ANO5: variants seen among roughly 807,000 people sequenced by gnomAD.
The protein encoded by ANO5 is anoctamin 5, also known as anoctamin-5.
A neutral mutation model predicts 121.0 loss-of-function variants in ANO5; 109 were observed. The ratio of observed to expected loss-of-function variants is 0.90; its 90% CI spans 0.77 to 1.06. The LOEUF (loss-of-function observed/expected upper bound fraction) is 1.06, where lower values mean the gene tolerates loss of function less well. ANO5 is among the 50% of genes least tolerant of loss of function. The pLI is 0.00. For synonymous variants in ANO5, 406 were observed against 359.9 expected (o/e 1.13, Z -1.45); for missense variants, 1,064 against 1,078.5 (o/e 0.99, Z 0.19).
At chr11:22,229,682 G>A (rs1383421844) in intron 7 of ANO5, among the ~76,000 whole-genome samples, 6 of 151,936 alleles carry the variant, frequency 3.9e-5, no homozygotes, top group African/African-American at 7.2e-5. Context: ...CAGTGAACTC[G>A]TAGGAACAAA....
At chr11:22,263,801 C>G (rs1229309114) in intron 17 of ANO5, among the ~76,000 whole-genome samples, 1 of 152,088 alleles carries the variant, frequency 6.6e-6, no homozygotes, top group Non-Finnish European at 1.5e-5. Flanking sequence ...CACTTGAAGC[C>G]AGAGACTGGG....
chr11:22,192,522 G>A (rs1851681624), upstream of ANO5, among the ~76,000 whole-genome samples: 2 of 152,172 alleles, frequency 1.3e-5, no homozygotes, highest in South Asian at 4.1e-4. Context: ...GCACCTTGGA[G>A]TCTCGGGCCA....
Position 22,239,631 on chromosome 11 carries a change from G to A in ANO5, c.825G>A (p.Gln275=), listed in dbSNP as rs752259814. 2 of 1,612,864 alleles carry A rather than the reference G, an allele frequency of 1.2e-6. No individual in the cohort carries two copies. Among genetic ancestry groups the A allele is most frequent in the Admixed American group, 1.7e-5 (1 of 59,950 alleles). Residue 275 remains glutamine, a synonymous_variant, in exon 9 of 22, where the codon CAG becomes CAA. Transcript: ENST00000324559. ...CCAATGAAAGATACACACTTCACCA[G>A]AATTGGGCTCGATTTTCCTATTTCT... is the stretch of plus-strand genomic sequence containing the variant. ...NPTNERYTLH[Q]NWARFSYFYK...
chr11:22,204,772 G>T (rs919134204), intron 2 of ANO5, among the ~76,000 whole-genome samples: 1 of 152,112 alleles, frequency 6.6e-6, no homozygotes, highest in African/African-American at 2.4e-5. Flanking sequence ...TTCAGGCATT[G>T]TGGAAGATGG....
intron 5 of ANO5, among the ~76,000 whole-genome samples, chr11:22,222,351 T>G (rs1006365964): frequency 6.6e-6 from 1 of 151,982 alleles, no homozygotes; most frequent in Non-Finnish European, 1.5e-5. Context: ...CATACTTAGA[T>G]GATTATTTTG....
At chr11:22,193,673 C>T in intron 1 of ANO5, 141 bp downstream of exon 1, 1 of 1,140,952 alleles carries the variant, frequency 8.8e-7, no homozygotes, top group African/African-American at 1.5e-5. Flanking sequence ...GTGCTCAGCG[C>T]GAAACCGGGA....
Position 22,276,080 on chromosome 11 carries a change from C to A in ANO5, c.2415-14C>A. On this transcript the variant is annotated splice_polypyrimidine_tract_variant and intron_variant, in intron 20 of 21. Transcript: ENST00000324559. ...TTATTATTTTTTTTTTTTGCATTTA[C>A]TTCCACTTTTCAGGTACAGAGATTA... The A allele has an allele frequency of 2.0e-6, 3 of 1,504,148 alleles. No individual in the cohort carries two copies. The highest frequency in any genetic ancestry group is 2.8e-6 in the Non-Finnish European group (3 of 1,087,994). 93.2% of individuals were successfully genotyped at this position (1,504,148 alleles called of 1,614,324 possible).
At chr11:22,263,471 A>G (rs561176609) in intron 17 of ANO5, among the ~76,000 whole-genome samples, 1 of 152,334 alleles carries the variant, frequency 6.6e-6, no homozygotes, top group South Asian at 2.1e-4. Flanking sequence ...TTGTAAAAAT[A>G]TCGATGTGTC....
intron 17 of ANO5, among the ~76,000 whole-genome samples, chr11:22,264,712 T>A (rs1481873771): frequency 6.6e-6 from 1 of 152,044 alleles, no homozygotes; most frequent in East Asian, 1.9e-4. Context: ...GTCATTAAAA[T>A]AGATCAGGAA....
chr11:22,244,249 T>G (rs898600235), intron 9 of ANO5, among the ~76,000 whole-genome samples: 2 of 152,138 alleles, frequency 1.3e-5, no homozygotes, highest in African/African-American at 2.4e-5. Context: ...TCTTCTGGCT[T>G]GTAAGATTTC....
chr11:22,265,483 G>C (rs547737975), intron 17 of ANO5, among the ~76,000 whole-genome samples: 1 of 152,090 alleles, frequency 6.6e-6, no homozygotes, highest in Non-Finnish European at 1.5e-5. Flanking sequence ...ATCACAAAGT[G>C]AAAGTACAGG....
chr11:22,263,033 G>A lies in ANO5; in HGVS notation c.1888G>A (p.Ala630Thr), dbSNP rs751996270. The change falls in exon 17 of 22, where the codon GCC becomes ACC. Residue 630 changes from alanine to threonine, a missense_variant. Coordinates refer to ENST00000324559, the MANE Select transcript of ANO5 (RefSeq NM_213599.3). Reference sequence around the variant, plus strand: ...ACAGATTTTTGGAAACATTAAAGAAGCCATTTATCCGTATGTATGACTTAC... The same window carrying A: ...ACAGATTTTTGGAAACATTAAAGAAACCATTTATCCGTATGTATGACTTAC... ...GKQIFGNIKEAIYPLALNWWR... is the reference protein window; with the variant it reads ...GKQIFGNIKETIYPLALNWWR... 12 of 1,609,510 alleles carry A rather than the reference G, an allele frequency of 7.5e-6. No individual in the cohort carries two copies. Among genetic ancestry groups the A allele is most frequent in the South Asian group, 4.4e-5 (4 of 91,000 alleles).
At chr11:22,195,423 AT>A (rs1157828572) in intron 1 of ANO5, among the ~76,000 whole-genome samples, 67 of 148,906 alleles carry the variant, frequency 4.5e-4, no homozygotes, top group Admixed American at 1.3e-3. Flanking sequence ...TACCCCCCTT[AT>A]TTTTTTTTTT....
At position 22,252,704 on chromosome 11, in the gene ANO5, T is replaced by C. The variant is rs115268965; in HGVS notation, c.1180+1693T>C. ...ATATTACTGGTCATAAAACTTTCCT[T>C]ATGGTTTTTCTTGTTTTTGTGTTTC... On this transcript the variant is annotated intron_variant, in intron 12 of 21. Coordinates refer to ENST00000324559, the MANE Select transcript of ANO5 (RefSeq NM_213599.3). 2.5e-3 allele frequency among the ~76,000 whole-genome samples: 378 copies of C among 152,290 alleles called. 1 individual carries two copies. The highest frequency in any genetic ancestry group is 8.9e-3 in the African/African-American group (369 of 41,552).
At chr11:22,219,813 C>T (rs11824173) in intron 4 of ANO5, among the ~76,000 whole-genome samples, 3,462 of 151,040 alleles carry the variant, frequency 0.023, 121 homozygotes, top group African/African-American at 0.079. Flanking sequence ...GATTATGCAT[C>T]CTTTGGCTGA....
rs1487243697 is a variant in ANO5 at position 22,281,428 on chromosome 11, A to C, written c.*1663A>C. 1 of 152,064 alleles carries C rather than the reference A, an allele frequency of 6.6e-6. No homozygotes were observed. The highest frequency in any genetic ancestry group is 1.9e-4 in the East Asian group (1 of 5,196). 9.4% of individuals were successfully genotyped at this position (152,064 alleles called of 1,614,324 possible). A position where few individuals can be genotyped will look rare whatever the true frequency, so the allele number is the denominator to read the frequency against. On this transcript the variant is annotated 3_prime_UTR_variant, in exon 22 of 22. Transcript: ENST00000324559. The stretch of plus-strand genomic sequence containing the variant: ...AATCCCCAGTACTGATTTGTCATCC[A>C]CTGAGTAGACTTTATGAATATTTTG...
intron 2 of ANO5, among the ~76,000 whole-genome samples, chr11:22,204,238 A>G (rs748635609): frequency 2.0e-5 from 3 of 152,102 alleles, no homozygotes; most frequent in Non-Finnish European, 4.4e-5. Context: ...CTGGAGTTCA[A>G]CCTGAATTGC....
intron 17 of ANO5, among the ~76,000 whole-genome samples, chr11:22,267,109 A>G (rs948538848): frequency 3.9e-5 from 6 of 152,182 alleles, no homozygotes; most frequent in South Asian, 4.1e-4. Flanking sequence ...TATATCGGTT[A>G]AAGTTATGCA....
At chr11:22,255,170 A>G (rs1436610221) in intron 12 of ANO5, among the ~76,000 whole-genome samples, 2 of 152,146 alleles carry the variant, frequency 1.3e-5, no homozygotes, top group Non-Finnish European at 2.9e-5. Context: ...AAATTTTTGT[A>G]TGATTTTTTT....
Sources: gnomAD v4.1 joint callset for allele counts (sites outside exome capture counted in the v4.1 genomes callset) on GRCh38, gnomAD v4.1.1 for gene constraint, MANE v1.5 for transcripts, NCBI Gene and HGNC (gene_info 2026-07-23, HGNC 2026-07-21) for gene names.